The following CACNA2D1 variants were observed in gnomAD, a reference collection of about 807,000 sequenced individuals.
The protein encoded by CACNA2D1 is voltage-dependent calcium channel subunit alpha-2/delta-1.
Under a neutral mutation model 171.5 loss-of-function variants are expected in CACNA2D1, and 53 were observed. That is an observed-to-expected ratio of 0.31 (90% CI 0.25 to 0.39). The LOEUF (loss-of-function observed/expected upper bound fraction) is 0.39, where lower values mean the gene tolerates loss of function less well. Among genes scored for constraint, CACNA2D1 ranks in the 10% least tolerant of loss-of-function variants. The pLI, the probability that CACNA2D1 is intolerant of heterozygous loss-of-function variation, is 1.00. For missense variants in CACNA2D1, 903 were observed against 1,299.8 expected, an observed-to-expected ratio of 0.69 and a Z score of 4.69; for synonymous variants, 442 against 443.1, an observed-to-expected ratio of 1.00 and a Z score of 0.03.
chr7:82,276,880 C>T (rs1457250145), intron 3 of CACNA2D1, among the ~76,000 whole-genome samples: 1 of 151,606 alleles, frequency 6.6e-6, no homozygotes, highest in Non-Finnish European at 1.5e-5. Flanking sequence ...TCCCAAGTAG[C>T]TTGGACTACA....
intron 3 of CACNA2D1, among the ~76,000 whole-genome samples, chr7:82,291,711 C>T (rs1811657897): frequency 6.8e-6 from 1 of 147,352 alleles, no homozygotes; most frequent in African/African-American, 2.5e-5. Context: ...CACTATGTTG[C>T]CCAGGCTGGT....
At chr7:82,205,410 C>T (rs546603192) in intron 3 of CACNA2D1, among the ~76,000 whole-genome samples, 1 of 152,224 alleles carries the variant, frequency 6.6e-6, no homozygotes, top group East Asian at 1.9e-4. Context: ...GCAGTACCTA[C>T]TGAATCTTAC....
chr7:82,393,680 G>T (rs941533897), intron 1 of CACNA2D1, among the ~76,000 whole-genome samples: 2 of 152,092 alleles, frequency 1.3e-5, no homozygotes, highest in Admixed American at 1.3e-4. Context: ...GCTACTAAAT[G>T]CTGCACTGTA....
chr7:82,129,232 GTTC>G (rs1251395159), intron 5 of CACNA2D1, among the ~76,000 whole-genome samples: 2 of 152,150 alleles, frequency 1.3e-5, no homozygotes, highest in East Asian at 3.8e-4. Flanking sequence ...TGGTATAAAT[GTTC>G]TTGACTTTTA....
chr7:82,386,029 A>G (rs1468582544), intron 1 of CACNA2D1, among the ~76,000 whole-genome samples: 3 of 152,156 alleles, frequency 2.0e-5, no homozygotes, highest in Admixed American at 2.0e-4. Context: ...TTGTAAACGC[A>G]TTAGAAATGA....
intron 3 of CACNA2D1, among the ~76,000 whole-genome samples, chr7:82,250,574 G>A (rs1437448462): frequency 7.2e-5 from 11 of 152,130 alleles, no homozygotes; most frequent in South Asian, 6.2e-4. Context: ...ATTCTAGTAG[G>A]AGTCTAAGCT....
At chr7:82,180,587 C>T (rs1797013731) in intron 3 of CACNA2D1, among the ~76,000 whole-genome samples, 1 of 151,648 alleles carries the variant, frequency 6.6e-6, no homozygotes, top group Admixed American at 6.6e-5. Flanking sequence ...GTCTTGAAAA[C>T]TCTATTGAGA....
chr7:82,393,960 G>A (rs1469701979), intron 1 of CACNA2D1, among the ~76,000 whole-genome samples: 1 of 152,196 alleles, frequency 6.6e-6, no homozygotes, highest in Non-Finnish European at 1.5e-5. Flanking sequence ...GGGAGCAACA[G>A]AAAGGTGGAG....
chr7:81,958,892 A>G (rs1005104959), intron 38 of CACNA2D1, among the ~76,000 whole-genome samples: 9 of 152,004 alleles, frequency 5.9e-5, no homozygotes, highest in African/African-American at 1.9e-4. Context: ...CAATGGCTGT[A>G]TAACAGGTTT....
Position 81,954,322 on chromosome 7 carries a change from T to A in CACNA2D1, c.3160-3814A>T, listed in dbSNP as rs564973953. Among the ~76,000 whole-genome samples the A allele has an allele frequency of 2.4e-3, 371 of 151,966 alleles. 3 individuals are homozygous for A. The highest frequency in any genetic ancestry group is 5.4e-3 in the African/African-American group (226 of 41,530). On this transcript the variant is annotated intron_variant, in intron 38 of 38. Coordinates refer to ENST00000356860, the MANE Select transcript of CACNA2D1 (RefSeq NM_000722.4). ...GCCAATATTATATATATATTTATTT[T>A]AAAATATGATAAAACTAATTTTATT... is the stretch of plus-strand genomic sequence containing the variant.
At position 82,118,353 on chromosome 7, in the gene CACNA2D1, CTAACTG is replaced by C. The variant is rs200905327; in HGVS notation, c.397-1186_397-1181del. The stretch of plus-strand genomic sequence containing the variant: ...AGTCAAAACAGGTTTTAACTCTACC[CTAACTG>C]TATTTGTTTTTAAATGATATGAAGT... On this transcript the variant is annotated intron_variant, in intron 5 of 38. Coordinates refer to ENST00000356860, the MANE Select transcript of CACNA2D1 (RefSeq NM_000722.4). Among the ~76,000 whole-genome samples, 1,450 of 152,140 alleles carry C rather than the reference CTAACTG, an allele frequency of 9.5e-3. 3 individuals carry two copies. Among genetic ancestry groups the C allele is most frequent in the Non-Finnish European group, 0.014 (927 of 67,968 alleles).
At chr7:82,085,901 A>G (rs1810423549) in intron 6 of CACNA2D1, among the ~76,000 whole-genome samples, 2 of 152,184 alleles carry the variant, frequency 1.3e-5, no homozygotes, top group East Asian at 3.8e-4. Context: ...ATAGTGCATA[A>G]TTTATAACTG....
chr7:82,252,341 A>G lies in CACNA2D1; in HGVS notation c.295-81732T>C, dbSNP rs974892173. On this transcript the variant is annotated intron_variant, in intron 3 of 38. Transcript: ENST00000356860. Reference sequence around the variant, plus strand: ...AGAGAGGTGAAGTTACTTGCCTTTCAGTAACAGCTAATGAGTAGTGGAGCC... The same window carrying G: ...AGAGAGGTGAAGTTACTTGCCTTTCGGTAACAGCTAATGAGTAGTGGAGCC... 1.5e-4 allele frequency among the ~76,000 whole-genome samples: 23 copies of G among 152,318 alleles called. No individual in the cohort carries two copies. In the East Asian group the frequency reaches 4.2e-3, roughly 28 times the overall value.
intron 4 of CACNA2D1, among the ~76,000 whole-genome samples, chr7:82,142,400 A>G (rs1460639104): frequency 6.6e-6 from 1 of 152,188 alleles, no homozygotes; most frequent in African/African-American, 2.4e-5. Flanking sequence ...TTCCATCTTA[A>G]AAATGTATAT....
rs533498952 is a variant in CACNA2D1 at position 82,142,671 on chromosome 7, A to T, written c.355-5995T>A. 3.9e-5 allele frequency among the ~76,000 whole-genome samples: 6 copies of T among 152,340 alleles called. No homozygotes were observed. In the South Asian group the frequency reaches 6.2e-4, roughly 16 times the overall value. ...TTCTTGGCTATACTCAGCTCTGCACATGATTCACAGCCTGACAAGTTTTGG... is the reference window on the plus strand; with the variant it reads ...TTCTTGGCTATACTCAGCTCTGCACTTGATTCACAGCCTGACAAGTTTTGG... On this transcript the variant is annotated intron_variant, in intron 4 of 38. Coordinates refer to ENST00000356860, the MANE Select transcript of CACNA2D1 (RefSeq NM_000722.4).
intron 28 of CACNA2D1, among the ~76,000 whole-genome samples, chr7:81,969,608 G>T (rs1436679892): frequency 6.6e-6 from 1 of 150,874 alleles, no homozygotes; most frequent in Non-Finnish European, 1.5e-5. Context: ...GTAATATGAG[G>T]GATTATCTAC....
chr7:82,180,674 T>C (rs1797029129), intron 3 of CACNA2D1, among the ~76,000 whole-genome samples: 1 of 152,148 alleles, frequency 6.6e-6, no homozygotes, highest in South Asian at 2.1e-4. Context: ...ATTAGTCCTA[T>C]GGGACGGGTA....
At chr7:82,383,569 C>A (rs1410617486) in intron 1 of CACNA2D1, among the ~76,000 whole-genome samples, 1 of 152,144 alleles carries the variant, frequency 6.6e-6, no homozygotes, top group South Asian at 2.1e-4. Flanking sequence ...GGTCTTCATA[C>A]ATACAAAATG....
chr7:82,371,587 A>ATT (rs750526024), intron 1 of CACNA2D1, among the ~76,000 whole-genome samples: 3 of 150,820 alleles, frequency 2.0e-5, no homozygotes, highest in African/African-American at 7.3e-5. Flanking sequence ...TTTTATTATT[A>ATT]TTATTATTTT....
Sources: gnomAD v4.1 joint callset for allele counts (sites outside exome capture counted in the v4.1 genomes callset) on GRCh38, gnomAD v4.1.1 for gene constraint, MANE v1.5 for transcripts, NCBI Gene and HGNC (gene_info 2026-07-23, HGNC 2026-07-21) for gene names.